The following SEMA3A variants were observed in gnomAD, a reference collection of about 807,000 sequenced individuals.
The protein encoded by SEMA3A is semaphorin-3A.
SEMA3A carries 29 observed loss-of-function variants against 97.9 expected under a neutral mutation model. The ratio of observed to expected loss-of-function variants is 0.30; its 90% CI spans 0.22 to 0.40. SEMA3A has a LOEUF of 0.40. Among genes scored for constraint, SEMA3A ranks in the 10% least tolerant of loss-of-function variants. The pLI is 1.00. For missense variants in SEMA3A, 763 were observed against 951.3 expected (o/e 0.80, Z 2.60); for synonymous variants, 321 against 323.7 (o/e 0.99, Z 0.09).
At chr7:84,404,459 G>C (rs1804009802) in intron 1 of SEMA3A, among the ~76,000 whole-genome samples, 2 of 152,176 alleles carry the variant, frequency 1.3e-5, no homozygotes, top group South Asian at 4.1e-4. Flanking sequence ...AACCCAGTTG[G>C]AAAACACTCT....
chr7:84,462,347 C>T, intron 1 of SEMA3A, among the ~76,000 whole-genome samples: 1 of 152,018 alleles, frequency 6.6e-6, no homozygotes, highest in East Asian at 1.9e-4. Context: ...AATCAAGTAA[C>T]AAGAAATGAC....
At chr7:83,990,801 G>C (rs1388482949) in intron 12 of SEMA3A, among the ~76,000 whole-genome samples, 2 of 62,880 alleles carry the variant, frequency 3.2e-5, no homozygotes, top group East Asian at 1.9e-3. Flanking sequence ...TGGCGACGCA[G>C]GCTCTTTTTT....
intron 3 of SEMA3A, among the ~76,000 whole-genome samples, chr7:84,241,186 C>G (rs1280705037): frequency 6.6e-6 from 1 of 152,176 alleles, no homozygotes; most frequent in African/African-American, 2.4e-5. Context: ...ACCATACTGT[C>G]TTCCAAAATG....
chr7:84,095,084 AATTT>A (rs1704015414), intron 4 of SEMA3A, among the ~76,000 whole-genome samples: 1 of 149,166 alleles, frequency 6.7e-6, no homozygotes, highest in Non-Finnish European at 1.5e-5. Flanking sequence ...ATTTATTTAT[AATTT>A]ATATAAATAA....
intron 1 of SEMA3A, among the ~76,000 whole-genome samples, chr7:84,147,178 T>C (rs927806853): frequency 5.9e-5 from 9 of 152,182 alleles, no homozygotes; most frequent in Non-Finnish European, 8.8e-5. Flanking sequence ...TATTCACATA[T>C]GGAGAAATAA....
At chr7:84,236,093 C>T (rs1281367359) in intron 3 of SEMA3A, among the ~76,000 whole-genome samples, 2 of 152,130 alleles carry the variant, frequency 1.3e-5, no homozygotes, top group African/African-American at 4.8e-5. Flanking sequence ...TGCACAGGTG[C>T]AAATTAGAAT....
At chr7:84,105,997 GAACTGGAGTTAATTA>G (rs1795097388) in intron 4 of SEMA3A, among the ~76,000 whole-genome samples, 1 of 152,180 alleles carries the variant, frequency 6.6e-6, no homozygotes, top group Non-Finnish European at 1.5e-5. Flanking sequence ...ATATCTTACA[GAACTGGAGTTAATTA>G]ATAGGTCTAC....
intron 2 of SEMA3A, among the ~76,000 whole-genome samples, chr7:84,323,610 TA>T (rs142340554): frequency 1.2e-4 from 18 of 150,890 alleles, no homozygotes; most frequent in East Asian, 1.2e-3. Context: ...AGTATAAAAT[TA>T]AAAAAAAATG....
intron 1 of SEMA3A, among the ~76,000 whole-genome samples, chr7:84,448,471 TA>T (rs1805481250): frequency 6.6e-6 from 1 of 152,136 alleles, no homozygotes; most frequent in Admixed American, 6.6e-5. Flanking sequence ...GACAACACTT[TA>T]AAAATTACTT....
chr7:84,430,759 T>C (rs1194451153), intron 1 of SEMA3A, among the ~76,000 whole-genome samples: 3 of 151,654 alleles, frequency 2.0e-5, no homozygotes, highest in Non-Finnish European at 4.4e-5. Flanking sequence ...AGGCCTTCCA[T>C]CTTTCTTCTA....
At chr7:84,456,887 A>C (rs974153605) in intron 1 of SEMA3A, among the ~76,000 whole-genome samples, 1 of 151,760 alleles carries the variant, frequency 6.6e-6, no homozygotes, top group Admixed American at 6.6e-5. Context: ...TATATCCACT[A>C]TGATGATAAA....
At chr7:84,124,296 C>G (rs1243535252) in intron 3 of SEMA3A, among the ~76,000 whole-genome samples, 1 of 152,174 alleles carries the variant, frequency 6.6e-6, no homozygotes, top group Non-Finnish European at 1.5e-5. Flanking sequence ...TTCCAGTGGA[C>G]TTTTCGAGGA....
chr7:84,424,907 AT>A (rs1804745100), intron 1 of SEMA3A, among the ~76,000 whole-genome samples: 3 of 60,100 alleles, frequency 5.0e-5, no homozygotes, highest in Non-Finnish European at 7.6e-5. Context: ...TTATATAAAC[AT>A]AAATATATAT....
At chr7:84,404,584 C>T (rs1804014976) in intron 1 of SEMA3A, among the ~76,000 whole-genome samples, 1 of 151,998 alleles carries the variant, frequency 6.6e-6, no homozygotes, top group Non-Finnish European at 1.5e-5. Flanking sequence ...CTCCAAGACA[C>T]ATAATTGTCA....
chr7:84,441,653 T>G (rs1805277058), intron 1 of SEMA3A, among the ~76,000 whole-genome samples: 1 of 151,874 alleles, frequency 6.6e-6, no homozygotes, highest in South Asian at 2.1e-4. Context: ...CCAAATTTAG[T>G]GAAAGAAGAA....
At chr7:84,073,320 T>A (rs1793812243) in intron 4 of SEMA3A, among the ~76,000 whole-genome samples, 1 of 151,706 alleles carries the variant, frequency 6.6e-6, no homozygotes. Flanking sequence ...GCCAGTAGAA[T>A]CCACAGAGAG....
Position 84,128,778 on chromosome 7 carries a change from G to T in SEMA3A, c.333+345C>A, listed in dbSNP as rs144602479. 3.0e-3 allele frequency among the ~76,000 whole-genome samples: 453 copies of T among 152,150 alleles called. 5 individuals carry two copies. The highest frequency in any genetic ancestry group is 0.01 in the African/African-American group (434 of 41,528). ...TGAAATCTGCAATCCTCCAAAATCT[G>T]AAATTTTTTGAGCACCCACATGACC... On this transcript the variant is annotated intron_variant, in intron 3 of 16. Transcript: ENST00000265362.
chr7:84,297,192 G>T (rs1800894262), intron 3 of SEMA3A, among the ~76,000 whole-genome samples: 2 of 152,066 alleles, frequency 1.3e-5, no homozygotes, highest in Admixed American at 1.3e-4. Context: ...GGTCAGGCTG[G>T]TCTCAAACTT....
chr7:84,093,040 T>C (rs1794646174), intron 4 of SEMA3A, among the ~76,000 whole-genome samples: 1 of 152,174 alleles, frequency 6.6e-6, no homozygotes, highest in Admixed American at 6.5e-5. Context: ...ATGTCAAATA[T>C]AGAAAATGAC....
Sources: allele counts gnomAD v4.1 joint callset (sites outside exome capture counted in the v4.1 genomes callset), GRCh38; gene constraint gnomAD v4.1.1; transcripts MANE v1.5; gene names NCBI Gene and HGNC (gene_info 2026-07-23, HGNC 2026-07-21).